TENM3: variants seen among roughly 807,000 people sequenced by gnomAD.
TENM3 encodes teneurin transmembrane protein 3, also known as teneurin-3.
Under a neutral mutation model 255.1 loss-of-function variants are expected in TENM3, and 63 were observed. The observed-to-expected ratio is 0.25, with a 90% CI of 0.20 to 0.30. The LOEUF is 0.30. Among genes scored for constraint, TENM3 ranks in the 10% least tolerant of loss-of-function variants. TENM3 has a pLI of 1.00. For synonymous variants in TENM3, 1,306 were observed against 1,322.3 expected (o/e 0.99, Z 0.27); for missense variants, 2,929 against 3,461.1 (o/e 0.85, Z 3.86).
chr4:182,397,964 C>T (rs1328061647), intron 3 of TENM3, among the ~76,000 whole-genome samples: 1 of 152,156 alleles, frequency 6.6e-6, no homozygotes, highest in Non-Finnish European at 1.5e-5. Flanking sequence ...CATGTGGCCC[C>T]TCCATGTGGC....
At chr4:181,469,317 T>C in the TENM3 span, among the ~76,000 whole-genome samples, 1,082 of 152,270 alleles carry the variant, frequency 7.1e-3, 8 homozygotes, top group Middle Eastern at 0.031. Flanking sequence ...AATATATCTA[T>C]ATACATCTCC....
At chr4:182,263,123 C>G (rs369354080) in intron 1 of TENM3, among the ~76,000 whole-genome samples, 11 of 152,104 alleles carry the variant, frequency 7.2e-5, no homozygotes, top group Admixed American at 6.5e-4. Context: ...TAATGTCTGG[C>G]GACCGCGAAG....
the TENM3 span, among the ~76,000 whole-genome samples, chr4:182,099,701 A>G: frequency 6.6e-6 from 1 of 152,164 alleles, no homozygotes; most frequent in Non-Finnish European, 1.5e-5. Flanking sequence ...AGGGCCTGCG[A>G]AGACTCGAAT....
the TENM3 span, among the ~76,000 whole-genome samples, chr4:181,668,367 A>G: frequency 6.6e-6 from 1 of 152,314 alleles, no homozygotes; most frequent in Non-Finnish European, 1.5e-5. Context: ...TACAGATGCC[A>G]TAGCAAAATG....
chr4:181,888,548 A>ATG, the TENM3 span, among the ~76,000 whole-genome samples: 438 of 99,918 alleles, frequency 4.4e-3, 15 homozygotes, highest in African/African-American at 0.013. Flanking sequence ...ATATATATAT[A>ATG]TGTATATATA....
the TENM3 span, among the ~76,000 whole-genome samples, chr4:181,740,781 G>T: frequency 6.6e-6 from 1 of 152,096 alleles, no homozygotes; most frequent in African/African-American, 2.4e-5. Context: ...TAACAAAAAT[G>T]AAAGAGAATT....
At chr4:182,197,004 T>C (rs2149809960) in intron 1 of TENM3, among the ~76,000 whole-genome samples, 1 of 152,302 alleles carries the variant, frequency 6.6e-6, no homozygotes, top group East Asian at 1.9e-4. Flanking sequence ...TTCTCTGCCA[T>C]TGTTCACGTT....
Position 182,799,503 on chromosome 4 carries a change from C to T in TENM3, c.7345-93C>T, listed in dbSNP as rs941804610. The T allele has an allele frequency of 2.0e-6, 3 of 1,470,558 alleles. No individual in the cohort carries two copies. Among genetic ancestry groups the T allele is most frequent in the East Asian group, 5.0e-5 (2 of 40,284 alleles). 91.1% of individuals were successfully genotyped at this position (1,470,558 alleles called of 1,614,324 possible). On this transcript the variant is annotated intron_variant, in intron 27 of 27. Coordinates refer to ENST00000511685, the MANE Select transcript of TENM3 (RefSeq NM_001080477.4). This position sits in a 1 kb window ranked among gnomAD's most constrained non-coding sequence, Gnocchi z 4.2. The stretch of plus-strand genomic sequence containing the variant: ...AAGGACCCCGGGGCTTCCATGCATG[C>T]CCCGGCGCTGCCCCCAGAGTCCCGT...
intron 3 of TENM3, among the ~76,000 whole-genome samples, chr4:182,381,207 T>C (rs1452695895): frequency 6.6e-6 from 1 of 152,176 alleles, no homozygotes; most frequent in African/African-American, 2.4e-5. Flanking sequence ...CAGGGGGAAG[T>C]CACAGAAATT....
intron 13 of TENM3, among the ~76,000 whole-genome samples, chr4:182,724,699 A>G (rs532703725): frequency 1.3e-5 from 2 of 152,358 alleles, no homozygotes; most frequent in East Asian, 1.9e-4. Context: ...TGTACCATCT[A>G]TTGCCTAAGG....
Position 182,746,284 on chromosome 4 carries a change from C to T in TENM3, c.3629+2865C>T, listed in dbSNP as rs116483431. Among the ~76,000 whole-genome samples the T allele has an allele frequency of 5.4e-3, 815 of 152,044 alleles. 5 individuals are homozygous for T. Among genetic ancestry groups the T allele is most frequent in the Middle Eastern group, 0.027 (8 of 294 alleles). On this transcript the variant is annotated intron_variant, in intron 19 of 27. Transcript: ENST00000511685. ...AAGAGATTACTGGGAGATGGCACTA[C>T]GGTAAGGAAACGTTTTCTGGAAGGG...
the TENM3 span, among the ~76,000 whole-genome samples, chr4:181,719,451 C>T: frequency 1.3e-5 from 2 of 152,038 alleles, no homozygotes; most frequent in Admixed American, 1.3e-4. Context: ...ATGGGAAGTC[C>T]GAGATCAAAA....
the TENM3 span, among the ~76,000 whole-genome samples, chr4:182,110,261 G>A: frequency 6.6e-6 from 1 of 152,072 alleles, no homozygotes; most frequent in African/African-American, 2.4e-5. Context: ...GGCCTGCAAA[G>A]CAAAAATATT....
the TENM3 span, among the ~76,000 whole-genome samples, chr4:182,040,701 T>A: frequency 6.6e-6 from 1 of 152,218 alleles, no homozygotes; most frequent in African/African-American, 2.4e-5. Flanking sequence ...TCTCCCAGTT[T>A]CCATTTTTCT....
At chr4:181,542,200 A>T in the TENM3 span, among the ~76,000 whole-genome samples, 1 of 152,200 alleles carries the variant, frequency 6.6e-6, no homozygotes, top group Non-Finnish European at 1.5e-5. Context: ...GATGAGAATA[A>T]CGTATTCAAA....
At chr4:182,014,940 A>G in the TENM3 span, among the ~76,000 whole-genome samples, 2 of 152,236 alleles carry the variant, frequency 1.3e-5, no homozygotes, top group African/African-American at 4.8e-5. Flanking sequence ...TACATTTGCT[A>G]TAAAAGCAAA....
the TENM3 span, among the ~76,000 whole-genome samples, chr4:181,914,503 A>G: frequency 6.6e-6 from 1 of 152,194 alleles, no homozygotes; most frequent in Non-Finnish European, 1.5e-5. Flanking sequence ...AATGTGGTAC[A>G]AAACATATGA....
chr4:182,205,713 A>G (rs1007824084), intron 1 of TENM3, among the ~76,000 whole-genome samples: 1 of 152,220 alleles, frequency 6.6e-6, no homozygotes. Flanking sequence ...TTGCGTATTT[A>G]TCTATTTGCA....
chr4:182,046,902 G>C, the TENM3 span, among the ~76,000 whole-genome samples: 1 of 152,096 alleles, frequency 6.6e-6, no homozygotes, highest in Non-Finnish European at 1.5e-5. Flanking sequence ...TGTTCTTATA[G>C]GCAATGCCAA....
Sources: gnomAD v4.1 joint callset for allele counts (sites outside exome capture counted in the v4.1 genomes callset) on GRCh38, gnomAD v4.1.1 for gene constraint, Gnocchi (gnomAD v3.1) non-coding constraint, MANE v1.5 for transcripts, NCBI Gene and HGNC (gene_info 2026-07-23, HGNC 2026-07-21) for gene names.